Variants in UBA6 observed in about 807,000 individuals in gnomAD.
UBA6 encodes the protein ubiquitin like modifier activating enzyme 6.
A neutral mutation model predicts 148.3 loss-of-function variants in UBA6; 87 were observed. The observed-to-expected ratio is 0.59, with a 90% CI of 0.49 to 0.70. The LOEUF (loss-of-function observed/expected upper bound fraction) is 0.70, where lower values mean the gene tolerates loss of function less well. Among genes scored for constraint, UBA6 ranks in the 30% least tolerant of loss-of-function variants. The probability of loss-of-function intolerance (pLI) is 0.00; values close to 1 mark genes in which losing one functional copy is unlikely to be tolerated. For missense variants in UBA6, 1,186 were observed against 1,241.2 expected (o/e 0.96, Z 0.67); for synonymous variants, 376 against 401.0 (o/e 0.94, Z 0.75).
intron 19 of UBA6, among the ~76,000 whole-genome samples, chr4:67,637,384 T>A (rs1267822840): frequency 1.3e-5 from 2 of 151,554 alleles, no homozygotes; most frequent in Non-Finnish European, 2.9e-5. Context: ...AGCCACCCCT[T>A]CTGGGAAGTG....
Position 67,638,946 on chromosome 4 carries a change from T to C in UBA6, c.1733A>G (p.Asp578Gly). The C allele has an allele frequency of 6.2e-7, 1 of 1,600,978 alleles. No individual in the cohort carries two copies. The highest frequency in any genetic ancestry group is 8.5e-7 in the Non-Finnish European group (1 of 1,171,618). ...LDNVEARRYV[D>G]SRCLANLRPL... ...AACATGAATTTCAAGAACATACCTG[T>C]CTACGTATCTCCTGGCTTCCACATT... The change falls in exon 19 of 33, where the codon GAC (aspartate) becomes GGC (glycine). Residue 578 changes from aspartate (D) to glycine (G), a missense_variant. Physicochemically the swap from Asp to Gly is moderately conservative, Grantham distance 94 (BLOSUM62 -1). Coordinates refer to ENST00000322244, the MANE Select transcript of UBA6 (RefSeq NM_018227.6).
At chr4:67,634,051 G>A (rs911256354) in intron 22 of UBA6, among the ~76,000 whole-genome samples, 191 bp downstream of exon 22, 6 of 151,820 alleles carry the variant, frequency 4.0e-5, no homozygotes, top group Admixed American at 6.6e-5. Context: ...CTCAAATATC[G>A]ACAATTCCAT....
intron 28 of UBA6, among the ~76,000 whole-genome samples, chr4:67,626,074 C>T (rs1047577234): frequency 2.6e-5 from 4 of 151,860 alleles, no homozygotes; most frequent in African/African-American, 9.7e-5. Flanking sequence ...TGGTTTTAGA[C>T]CTGCTCACCA....
intron 1 of UBA6, among the ~76,000 whole-genome samples, chr4:67,697,465 C>T (rs144429568): frequency 1.3e-3 from 194 of 152,288 alleles, no homozygotes; most frequent in African/African-American, 4.3e-3. Context: ...TTCCTCTGAC[C>T]TCCAGATTGT....
rs955095401 is a variant in UBA6 at position 67,624,943 on chromosome 4, G to A, written c.2712+51C>T. On this transcript the variant is annotated intron_variant, in intron 29 of 32. Coordinates refer to ENST00000322244, the MANE Select transcript of UBA6 (RefSeq NM_018227.6). ...TGGGTTGGTATGACGGGGAAGTCAG[G>A]GAAGAGGCAATGAAAAAGGAGCATT... 7 of 1,491,372 alleles carry A rather than the reference G, an allele frequency of 4.7e-6. No individual in the cohort carries two copies. The Admixed American group carries it at 6.9e-5, about 15-fold the overall frequency. The allele number at this position is 1,491,372 out of a possible 1,614,324, so 92.4% of individuals were successfully genotyped here. A position where few individuals can be genotyped will look rare whatever the true frequency, so the allele number is the denominator to read the frequency against.
At chr4:67,627,779 C>T (rs188041041) in intron 27 of UBA6, among the ~76,000 whole-genome samples, 5 of 151,590 alleles carry the variant, frequency 3.3e-5, no homozygotes, top group Admixed American at 3.3e-4. Flanking sequence ...GTGGTCATTA[C>T]TCCACCTTTT....
intron 18 of UBA6, 54 bp from the exon 19 acceptor site, chr4:67,639,178 T>C (rs1027660683): frequency 6.5e-6 from 9 of 1,391,192 alleles, no homozygotes; most frequent in African/African-American, 2.9e-5. Context: ...AAAAGGACTA[T>C]GATTTTTCTA....
intron 17 of UBA6, among the ~76,000 whole-genome samples, chr4:67,643,676 T>G (rs139910423): frequency 6.6e-6 from 1 of 152,156 alleles, no homozygotes; most frequent in East Asian, 1.9e-4. Flanking sequence ...AATTTCTCTT[T>G]TCAGCTTGGC....
intron 26 of UBA6, among the ~76,000 whole-genome samples, chr4:67,630,024 T>C (rs1281447205): frequency 1.3e-5 from 2 of 152,064 alleles, no homozygotes; most frequent in Non-Finnish European, 1.5e-5. Flanking sequence ...AAGTAAGAAA[T>C]GTCAATATAA....
chr4:67,625,578 A>C (rs1728849076), intron 28 of UBA6, among the ~76,000 whole-genome samples: 1 of 152,038 alleles, frequency 6.6e-6, no homozygotes, highest in African/African-American at 2.4e-5. Context: ...TCCGACTCTG[A>C]AACATTTTCC....
chr4:67,686,361 C>A (rs911162879), intron 2 of UBA6, among the ~76,000 whole-genome samples: 1 of 152,094 alleles, frequency 6.6e-6, no homozygotes, highest in Admixed American at 6.6e-5. Context: ...ATTTTGAGTC[C>A]CCCTCAACAT....
chr4:67,643,245 C>T (rs1729348784), intron 17 of UBA6, among the ~76,000 whole-genome samples: 1 of 151,484 alleles, frequency 6.6e-6, no homozygotes, highest in South Asian at 2.1e-4. Context: ...ATTGGTAGCA[C>T]TTCTATCATC....
Position 67,677,669 on chromosome 4 carries a change from G to A in UBA6, c.407C>T (p.Thr136Ile). 3 of 1,608,492 alleles carry A rather than the reference G, an allele frequency of 1.9e-6. No homozygotes were observed. Among genetic ancestry groups the A allele is most frequent in the Non-Finnish European group, 2.6e-6 (3 of 1,176,006 alleles). The change falls in exon 6 of 33, where the codon ACA (threonine) becomes ATA (isoleucine). Residue 136 changes from threonine to isoleucine, a missense_variant. Physicochemically the swap from Thr to Ile is moderately conservative, Grantham distance 89. Transcript: ENST00000322244. Reference protein sequence around the residue: ...IAELNPYVHVTSSSVPFNETT... With the variant: ...IAELNPYVHVISSSVPFNETT... ...CTCATTGAAAGGAACAGAAGATGAT[G>A]TGACATGAACGTATGGATTTAGTTC... is the stretch of plus-strand genomic sequence containing the variant.
chr4:67,645,985 T>C lies in UBA6; in HGVS notation c.1348A>G (p.Ile450Val). 1 of 1,595,664 alleles carries C rather than the reference T, an allele frequency of 6.3e-7. No homozygotes were observed. Among genetic ancestry groups the C allele is most frequent in the East Asian group, 2.3e-5 (1 of 44,284 alleles). Residue 450 changes from isoleucine to valine, a missense_variant, in exon 16 of 33, where the codon ATT becomes GTT. Ile to Val is a conservative substitution (Grantham distance 29). Coordinates refer to ENST00000322244, the MANE Select transcript of UBA6 (RefSeq NM_018227.6). ...GDRYDALRACIGDTLCQKLQN... is the reference protein window; with the variant it reads ...GDRYDALRACVGDTLCQKLQN... ...AGTTTCTGACACAAAGTGTCTCCAA[T>C]GCAAGCTCTTAAGGCATCATATCTA... is the stretch of plus-strand genomic sequence containing the variant.
intron 13 of UBA6, 48 bp from the exon 14 acceptor site, chr4:67,649,259 G>T: frequency 6.7e-7 from 1 of 1,498,066 alleles, no homozygotes; most frequent in East Asian, 2.4e-5. Context: ...CATTTACACA[G>T]TACACTTAAA....
chr4:67,686,952 T>TAAAAAAAAAA (rs546442640), intron 2 of UBA6, among the ~76,000 whole-genome samples: 7 of 57,188 alleles, frequency 1.2e-4, no homozygotes, highest in East Asian at 6.4e-4. Flanking sequence ...ATCCTGTCTC[T>TAAAAAAAAAA]AAAAAAAAAA....
chr4:67,618,752 T>C lies in UBA6; in HGVS notation c.*245A>G. Reference sequence around the variant, plus strand: ...CACAGATTAATACACAAAACTTTTGTAAATAGCATTCCAGTTCAAAGTTGC... The same window carrying C: ...CACAGATTAATACACAAAACTTTTGCAAATAGCATTCCAGTTCAAAGTTGC... On this transcript the variant is annotated 3_prime_UTR_variant, in exon 33 of 33. Coordinates refer to ENST00000322244, the MANE Select transcript of UBA6 (RefSeq NM_018227.6). 2 of 361,284 alleles carry C rather than the reference T, an allele frequency of 5.5e-6. No individual in the cohort carries two copies. The highest frequency in any genetic ancestry group is 9.9e-6 in the Non-Finnish European group (2 of 202,412). The allele number at this position is 361,284 out of a possible 1,614,324, so 22.4% of individuals were successfully genotyped here.
intron 4 of UBA6, among the ~76,000 whole-genome samples, chr4:67,680,071 C>A (rs531275430): frequency 6.6e-6 from 1 of 152,184 alleles, no homozygotes; most frequent in Non-Finnish European, 1.5e-5. Flanking sequence ...GACAGGAAAC[C>A]ACTGATTTTG....
chr4:67,686,731 C>T (rs1231646003), intron 2 of UBA6, among the ~76,000 whole-genome samples: 1 of 151,622 alleles, frequency 6.6e-6, no homozygotes, highest in African/African-American at 2.4e-5. Context: ...GCGGGAGGAT[C>T]ACTTGAGACC....
Sources: allele counts gnomAD v4.1 joint callset (sites outside exome capture counted in the v4.1 genomes callset), GRCh38; gene constraint gnomAD v4.1.1; transcripts MANE v1.5; gene names NCBI Gene and HGNC (gene_info 2026-07-23, HGNC 2026-07-21).